CHD9: variants seen among roughly 807,000 people sequenced by gnomAD.
CHD9 encodes ATP-dependent chromatin remodeler CHD9.
A neutral mutation model predicts 316.1 loss-of-function variants in CHD9; 77 were observed. The observed-to-expected ratio is 0.24, with a 90% CI of 0.20 to 0.29. CHD9 has a LOEUF of 0.29. Ranked by LOEUF, CHD9 falls within the 10% of genes least tolerant of loss-of-function variation. CHD9 has a pLI of 1.00. For missense variants in CHD9, 2,763 were observed against 3,438.1 expected (o/e 0.80, Z 4.91); for synonymous variants, 1,129 against 1,158.3 (o/e 0.97, Z 0.51).
chr16:53,146,427 A>ATATATATATATATATATATATG (rs2152723258), intron 1 of CHD9, among the ~76,000 whole-genome samples: 2 of 129,178 alleles, frequency 1.5e-5, no homozygotes, highest in East Asian at 4.3e-4. Context: ...ATGTATATAT[A>ATATATATATATATATATATATG]TATATATATA....
chr16:53,242,912 G>A lies in CHD9; in HGVS notation c.2950G>A (p.Gly984Arg). 1 of 1,613,452 alleles carries A rather than the reference G, an allele frequency of 6.2e-7. No homozygotes were observed. The highest frequency in any genetic ancestry group is 1.1e-5 in the South Asian group (1 of 91,076). Residue 984 changes from glycine (G) to arginine (R), a missense_variant, in exon 13 of 39, where the codon GGA (glycine) becomes AGA (arginine). By Grantham distance (125) the Gly-to-Arg change is moderately radical (BLOSUM62 -2). Coordinates refer to ENST00000447540, the MANE Select transcript of CHD9 (RefSeq NM_001308319.2). The stretch of plus-strand genomic sequence containing the variant: ...TTTTGAAATGATTCTTGGAGGCTGT[G>A]GAGAGCTTAATGCAATTGAATGGCG... ...TTFEMILGGCGELNAIEWRCV... is the reference protein window; with the variant it reads ...TTFEMILGGCRELNAIEWRCV...
intron 1 of CHD9, among the ~76,000 whole-genome samples, chr16:53,132,130 C>A (rs1053264245): frequency 1.3e-5 from 2 of 149,754 alleles, no homozygotes; most frequent in Admixed American, 1.3e-4. Flanking sequence ...GCTTTTTTTT[C>A]TTTTTTAAGA....
At position 53,267,315 on chromosome 16, in the gene CHD9, C is replaced by A; in HGVS notation, c.4342C>A (p.Pro1448Thr). ...ACAGAACAGCTTGGTTATTGACACT[C>A]CAAGAATTAGGAAGCAAACAAGACC... Reference protein sequence around the residue: ...SGRNSLVIDTPRIRKQTRPFS... With the variant: ...SGRNSLVIDTTRIRKQTRPFS... Residue 1448 changes from proline to threonine, a missense_variant, in exon 21 of 39, where the codon CCA becomes ACA. This residue lies in a region of CHD9 where 199 missense variants were observed against 251.7 expected (regional missense o/e 0.79). Transcript: ENST00000447540. The A allele has an allele frequency of 6.2e-7, 1 of 1,608,948 alleles. No homozygotes were observed. The highest frequency in any genetic ancestry group is 8.5e-7 in the Non-Finnish European group (1 of 1,177,216).
chr16:53,225,041 T>G (rs1315740943), intron 4 of CHD9, among the ~76,000 whole-genome samples: 1 of 152,196 alleles, frequency 6.6e-6, no homozygotes, highest in Admixed American at 6.5e-5. Flanking sequence ...CTAGTACATT[T>G]GGCTGACCAT....
At chr16:53,176,533 A>G (rs1281553632) in intron 2 of CHD9, among the ~76,000 whole-genome samples, 1 of 152,226 alleles carries the variant, frequency 6.6e-6, no homozygotes, top group Non-Finnish European at 1.5e-5. Flanking sequence ...TCTGCCAACA[A>G]CAAGCCATAA....
intron 1 of CHD9, among the ~76,000 whole-genome samples, chr16:53,083,715 G>T (rs901136724): frequency 1.3e-5 from 2 of 150,372 alleles, no homozygotes; most frequent in Non-Finnish European, 3.0e-5. Context: ...ACTTTTTTTT[G>T]AAAATAAAAG....
chr16:53,120,812 C>T (rs1303612643), intron 1 of CHD9, among the ~76,000 whole-genome samples: 5 of 151,798 alleles, frequency 3.3e-5, no homozygotes, highest in Non-Finnish European at 5.9e-5. Context: ...TGAGAGCAGC[C>T]TGGCCAACAT....
chr16:53,061,235 G>A (rs896656539), intron 1 of CHD9, among the ~76,000 whole-genome samples: 6 of 152,094 alleles, frequency 3.9e-5, no homozygotes, highest in Non-Finnish European at 8.8e-5. Context: ...CCAAGATGCT[G>A]TCTCTTTAAA....
chr16:53,100,923 C>T lies in CHD9; in HGVS notation c.-165+45846C>T, dbSNP rs150466903. ...ATGAAATCAGATGATGTGCATAAAA[C>T]ATGTTATTATATATAATTATGTGTA... On this transcript the variant is annotated intron_variant, in intron 1 of 38. Coordinates refer to ENST00000447540, the MANE Select transcript of CHD9 (RefSeq NM_001308319.2). 4.2e-3 allele frequency among the ~76,000 whole-genome samples: 635 copies of T among 152,266 alleles called. 5 individuals carry two copies. The highest frequency in any genetic ancestry group is 0.014 in the African/African-American group (567 of 41,566).
intron 2 of CHD9, among the ~76,000 whole-genome samples, chr16:53,168,224 G>A (rs1254752968): frequency 1.3e-5 from 2 of 151,930 alleles, no homozygotes; most frequent in African/African-American, 2.4e-5. Flanking sequence ...ATCATGCCCA[G>A]CTAATTTTTG....
intron 1 of CHD9, among the ~76,000 whole-genome samples, chr16:53,106,657 T>TACACACACAC (rs10538483): frequency 6.6e-6 from 1 of 150,602 alleles, no homozygotes; most frequent in African/African-American, 2.4e-5. Flanking sequence ...CACACATACA[T>TACACACACAC]ACACACACAC....
chr16:53,166,813 TACAAATTATGGAAAGAG>T (rs544560355), intron 2 of CHD9, among the ~76,000 whole-genome samples: 260 of 152,298 alleles, frequency 1.7e-3, no homozygotes, highest in African/African-American at 6.1e-3. Flanking sequence ...AGGAATACTT[TACAAATTATGGAAAGAG>T]GATAATCTTT....
At chr16:53,321,268 C>G (rs1194704897) in intron 37 of CHD9, 2 of 1,345,848 alleles carry the variant, frequency 1.5e-6, no homozygotes, top group African/African-American at 3.0e-5. Context: ...ATGGCCTGTC[C>G]AGCATGGTAG....
chr16:53,144,255 A>G (rs2040381294), intron 1 of CHD9, among the ~76,000 whole-genome samples: 1 of 152,142 alleles, frequency 6.6e-6, no homozygotes, highest in Non-Finnish European at 1.5e-5. Context: ...GAATATGAAT[A>G]TAGAAAATAA....
intron 18 of CHD9, among the ~76,000 whole-genome samples, chr16:53,255,064 A>C (rs2050470946): frequency 6.6e-6 from 1 of 152,124 alleles, no homozygotes; most frequent in Non-Finnish European, 1.5e-5. Context: ...TAATCTCAGC[A>C]CTTTGGGACG....
At chr16:53,102,742 C>G (rs1045919145) in intron 1 of CHD9, among the ~76,000 whole-genome samples, 1 of 152,042 alleles carries the variant, frequency 6.6e-6, no homozygotes, top group East Asian at 1.9e-4. Flanking sequence ...CGTAGCTACT[C>G]AGGAGGCTGA....
At position 53,219,614 on chromosome 16, in the gene CHD9, G is replaced by C. The variant is rs78658219; in HGVS notation, c.1785-3030G>C. Among the ~76,000 whole-genome samples, 24 of 152,240 alleles carry C rather than the reference G, an allele frequency of 1.6e-4. No individual in the cohort carries two copies. In the South Asian group the frequency reaches 4.4e-3, roughly 28 times the overall value. ...AGGGGCCAAAAGGAAACAGTTACAC[G>C]TTAGGACTTAGTTACACATTATGAT... On this transcript the variant is annotated intron_variant, in intron 3 of 38. Transcript: ENST00000447540.
chr16:53,061,138 G>C (rs1233150152), intron 1 of CHD9, among the ~76,000 whole-genome samples: 1 of 151,992 alleles, frequency 6.6e-6, no homozygotes, highest in Admixed American at 6.6e-5. Context: ...TGTTGGCCAG[G>C]CTGGTCTCGA....
At chr16:53,118,467 G>A (rs73590867) in intron 1 of CHD9, among the ~76,000 whole-genome samples, 7,216 of 152,250 alleles carry the variant, frequency 0.047, 590 homozygotes, top group African/African-American at 0.16. Flanking sequence ...TTAAATTGTG[G>A]AAGGTCACTA....
Sources: allele counts gnomAD v4.1 joint callset (sites outside exome capture counted in the v4.1 genomes callset), GRCh38; gene constraint gnomAD v4.1.1; regional missense constraint gnomAD v4.1.1; transcripts MANE v1.5; gene names NCBI Gene and HGNC (gene_info 2026-07-23, HGNC 2026-07-21).